HKDC1: variants seen among roughly 807,000 people sequenced by gnomAD.
The protein encoded by HKDC1 is hexokinase domain containing 1.
HKDC1 carries 66 observed loss-of-function variants against 96.6 expected under a neutral mutation model. That is an observed-to-expected ratio of 0.68 (90% CI 0.56 to 0.84). HKDC1 has a LOEUF of 0.84. HKDC1 is among the 40% of genes least tolerant of loss of function. HKDC1 has a pLI of 0.00. For missense variants in HKDC1, 1,211 were observed against 1,208.1 expected (o/e 1.00, Z -0.04); for synonymous variants, 466 against 473.1 (o/e 0.98, Z 0.20).
In HKDC1 at chr10:69,233,091, C is replaced by T; in HGVS notation, c.453C>T (p.Gly151=). ...KDLKHKKLPL[G]LTFSFPCRQT... is the part of the protein sequence containing the mutation. ...TAAAGCATAAGAAATTGCCCCTTGG[C>T]CTAACTTTTTCTTTCCCCTGTCGAC... Residue 151 remains glycine, a synonymous_variant, in exon 4 of 18, where the codon GGC becomes GGT. Coordinates refer to ENST00000354624, the MANE Select transcript of HKDC1 (RefSeq NM_025130.4). The T allele has an allele frequency of 6.2e-7, 1 of 1,614,150 alleles. No individual in the cohort carries two copies. Among genetic ancestry groups the T allele is most frequent in the Non-Finnish European group, 8.5e-7 (1 of 1,180,040 alleles).
In HKDC1 at chr10:69,248,586, G is replaced by T; in HGVS notation, c.1428G>T (p.Leu476Phe). The T allele has an allele frequency of 6.2e-7, 1 of 1,614,164 alleles. No homozygotes were observed. Among genetic ancestry groups the T allele is most frequent in the Non-Finnish European group, 8.5e-7 (1 of 1,180,044 alleles). ...QRKQIDRVLA[L>F]FQLTREQLVD... is the part of the protein sequence containing the mutation. ...AGCAGATCGACAGGGTGCTGGCTTT[G>T]TTCCAGCTGACCCGAGAGCAGCTCG... The change falls in exon 10 of 18, where the codon TTG becomes TTT. Residue 476 changes from leucine to phenylalanine, a missense_variant. By Grantham distance (22) the Leu-to-Phe change is conservative. Transcript: ENST00000354624.
In HKDC1 at chr10:69,267,444, T is replaced by C. The variant is rs1370628027; in HGVS notation, c.*687T>C. On this transcript the variant is annotated 3_prime_UTR_variant, in exon 18 of 18. Coordinates refer to ENST00000354624, the MANE Select transcript of HKDC1 (RefSeq NM_025130.4). ...GGTGGGGTGCTGTCTGGGGCATCTG[T>C]TTTTCATTTTGCCTGTGGTTTGTGT... 8.8e-6 allele frequency: 4 copies of C among 455,156 alleles called. No homozygotes were observed. The highest frequency in any genetic ancestry group is 1.8e-5 in the Non-Finnish European group (4 of 226,812). 28.2% of individuals were successfully genotyped at this position (455,156 alleles called of 1,614,324 possible). A position where few individuals can be genotyped will look rare whatever the true frequency, so the allele number is the denominator to read the frequency against.
chr10:69,250,390 G>A lies in HKDC1; in HGVS notation c.1671G>A (p.Lys557=), dbSNP rs747067339. 1.2e-6 allele frequency: 2 copies of A among 1,614,024 alleles called. No individual in the cohort carries two copies. Among genetic ancestry groups the A allele is most frequent in the African/African-American group, 1.3e-5 (1 of 74,948 alleles). ...GGAGGTCAGTGCGAATGTACAACAAGATCTTCGCCATCCCCCTGGAGATCA... is the reference window on the plus strand; with the variant it reads ...GGAGGTCAGTGCGAATGTACAACAAAATCTTCGCCATCCCCCTGGAGATCA... ...SGRRSVRMYN[K]IFAIPLEIMQ... The change falls in exon 11 of 18, where the codon AAG becomes AAA. Residue 557 remains lysine, a synonymous_variant. Coordinates refer to ENST00000354624, the MANE Select transcript of HKDC1 (RefSeq NM_025130.4).
Position 69,247,376 on chromosome 10 carries a change from G to A in HKDC1, c.1048G>A (p.Ala350Thr). ...CCTGGCCAGGTATAAAGAAGGCCTT[G>A]CTAATACAAGAGAGATCCTGGTGGA... The part of the protein sequence containing the change: ...AAMEKYKEGL[A>T]NTREILVDLG... Residue 350 changes from alanine to threonine, a missense_variant, in exon 9 of 18, where the codon GCT becomes ACT. By Grantham distance (58) the Ala-to-Thr change is moderately conservative. Coordinates refer to ENST00000354624, the MANE Select transcript of HKDC1 (RefSeq NM_025130.4). 6.2e-7 allele frequency: 1 copy of A among 1,613,970 alleles called. No homozygotes were observed. The highest frequency in any genetic ancestry group is 8.5e-7 in the Non-Finnish European group (1 of 1,179,858).
chr10:69,254,850 A>T (rs1843695137), intron 12 of HKDC1, among the ~76,000 whole-genome samples: 1 of 152,258 alleles, frequency 6.6e-6, no homozygotes, highest in Admixed American at 6.5e-5. Context: ...TGGTGGGAAA[A>T]AGAAAAAAAT....
At chr10:69,228,050 A>G (rs1213102894) in intron 2 of HKDC1, among the ~76,000 whole-genome samples, 1 of 152,120 alleles carries the variant, frequency 6.6e-6, no homozygotes, top group Non-Finnish European at 1.5e-5. Context: ...AAACAATCGA[A>G]TATATTCTCT....
In HKDC1 at chr10:69,261,480, G is replaced by A. The variant is rs1263001552; in HGVS notation, c.2372+186G>A. On this transcript the variant is annotated intron_variant, in intron 16 of 17. Coordinates refer to ENST00000354624, the MANE Select transcript of HKDC1 (RefSeq NM_025130.4). ...CGCTTTCAACAATAATAAACTCATG[G>A]CCAAACTGGGCTCATCTATAAAGTC... is the stretch of plus-strand genomic sequence containing the variant. 7.2e-6 allele frequency: 4 copies of A among 558,242 alleles called. No individual in the cohort carries two copies. In the Admixed American group the frequency reaches 9.1e-5, roughly 13 times the overall value. The allele number at this position is 558,242 out of a possible 1,614,324, so 34.6% of individuals were successfully genotyped here. A position where few individuals can be genotyped will look rare whatever the true frequency, so the allele number is the denominator to read the frequency against.
In HKDC1 at chr10:69,222,597, T is replaced by C. The variant is rs575555843; in HGVS notation, c.63+2099T>C. ...ACCCTAGGATCATGCGGGACATGTT[T>C]GTCCAACAGCCCTGGTGCAGGCTCA... On this transcript the variant is annotated intron_variant, in intron 1 of 17. Transcript: ENST00000354624. Among the ~76,000 whole-genome samples, 3 of 152,342 alleles carry C rather than the reference T, an allele frequency of 2.0e-5. No homozygotes were observed. In the South Asian group the frequency reaches 6.2e-4, roughly 32 times the overall value.
intron 12 of HKDC1, among the ~76,000 whole-genome samples, chr10:69,254,321 AT>A (rs1013018162): frequency 2.1e-5 from 3 of 144,206 alleles, no homozygotes; most frequent in East Asian, 2.0e-4. Flanking sequence ...GAAAAAAAAA[AT>A]TTTTTTAACC....
Position 69,257,021 on chromosome 10 carries a change from C to G in HKDC1, c.1837-15C>G, listed in dbSNP as rs1348574792. On this transcript the variant is annotated splice_polypyrimidine_tract_variant and intron_variant, in intron 12 of 17. Transcript: ENST00000354624. The stretch of plus-strand genomic sequence containing the variant: ...CAAACTATTGCTCAAATGAATTTCC[C>G]CTCCTTTCTTTCAGGGAACACTCAT... 6.2e-7 allele frequency: 1 copy of G among 1,601,928 alleles called. No individual in the cohort carries two copies.
At chr10:69,225,616 G>A (rs2132330341) in intron 1 of HKDC1, among the ~76,000 whole-genome samples, 1 of 152,262 alleles carries the variant, frequency 6.6e-6, no homozygotes, top group South Asian at 2.1e-4. Context: ...CTGGGTCCTG[G>A]CCTCTGAGGC....
rs761592724 is a variant in HKDC1, at chr10:69,247,317, G to A, written c.1032-43G>A. ...CTTGTTCCCCCAGGAGGATACCAGT[G>A]GGATGGAGAAGTGTCGTTCACTCAT... On this transcript the variant is annotated intron_variant, in intron 8 of 17. Coordinates refer to ENST00000354624, the MANE Select transcript of HKDC1 (RefSeq NM_025130.4). 2.1e-5 allele frequency: 28 copies of A among 1,338,500 alleles called. No individual in the cohort carries two copies. In the Middle Eastern group the frequency reaches 5.4e-4, roughly 26 times the overall value. 82.9% of individuals were successfully genotyped at this position (1,338,500 alleles called of 1,614,324 possible).
intron 12 of HKDC1, 45 bp from the exon 13 acceptor site, chr10:69,256,991 C>G: frequency 7.0e-7 from 1 of 1,438,472 alleles, no homozygotes; most frequent in Non-Finnish European, 9.8e-7. Context: ...GTGCAGTGGC[C>G]CTAGCAAACT....
chr10:69,234,125 C>G (rs1256287671), intron 4 of HKDC1, among the ~76,000 whole-genome samples: 1 of 152,118 alleles, frequency 6.6e-6, no homozygotes, highest in African/African-American at 2.4e-5. Flanking sequence ...GGGGGAGTTA[C>G]TGTCAAGAGT....
chr10:69,263,790 C>T (rs1396353487), intron 16 of HKDC1, among the ~76,000 whole-genome samples: 1 of 152,194 alleles, frequency 6.6e-6, no homozygotes, highest in African/African-American at 2.4e-5. Context: ...TCTCTTTAGA[C>T]ACACCAGTTA....
intron 4 of HKDC1, among the ~76,000 whole-genome samples, chr10:69,233,466 G>A (rs538153065): frequency 1.8e-4 from 27 of 152,182 alleles, no homozygotes; most frequent in African/African-American, 6.5e-4. Context: ...CCCTAAATTC[G>A]CCTCCCTGAC....
In HKDC1 at chr10:69,247,391, A is replaced by T. The variant is rs1373020419; in HGVS notation, c.1063A>T (p.Ile355Phe). 20 of 1,613,938 alleles carry T rather than the reference A, an allele frequency of 1.2e-5. No homozygotes were observed. The highest frequency in any genetic ancestry group is 1.6e-5 in the Non-Finnish European group (19 of 1,179,934). The change falls in exon 9 of 18, where the codon ATC becomes TTC. Residue 355 changes from isoleucine to phenylalanine, a missense_variant. Coordinates refer to ENST00000354624, the MANE Select transcript of HKDC1 (RefSeq NM_025130.4). Reference sequence around the variant, plus strand: ...AGAAGGCCTTGCTAATACAAGAGAGATCCTGGTGGACCTGGGTCTGGAACC... The same window carrying T: ...AGAAGGCCTTGCTAATACAAGAGAGTTCCTGGTGGACCTGGGTCTGGAACC... Reference protein sequence around the residue: ...YKEGLANTREILVDLGLEPSE... With the variant: ...YKEGLANTREFLVDLGLEPSE...
intron 16 of HKDC1, among the ~76,000 whole-genome samples, chr10:69,264,425 G>C (rs115649858): frequency 0.016 from 2,465 of 151,096 alleles, 60 homozygotes; most frequent in African/African-American, 0.057. Context: ...CCAGGCTGGA[G>C]TACAGTGGTA....
intron 1 of HKDC1, chr10:69,226,116 T>C (rs559437554): frequency 3.8e-4 from 58 of 152,176 alleles, no homozygotes; most frequent in African/African-American, 1.4e-3. Context: ...CCAGCACCAA[T>C]TGATTAGTGT....
Sources: allele counts gnomAD v4.1 joint callset (sites outside exome capture counted in the v4.1 genomes callset), GRCh38; gene constraint gnomAD v4.1.1; transcripts MANE v1.5; gene names NCBI Gene and HGNC (gene_info 2026-07-23, HGNC 2026-07-21).